LYPD6: variants seen among roughly 807,000 people sequenced by gnomAD.
LYPD6 encodes LY6/PLAUR domain containing 6, also known as ly6/PLAUR domain-containing protein 6.
A neutral mutation model predicts 22.7 loss-of-function variants in LYPD6; 15 were observed. The ratio of observed to expected loss-of-function variants is 0.66; its 90% confidence interval spans 0.44 to 1.02. LYPD6 has a LOEUF of 1.02. Ranked by LOEUF, LYPD6 falls within the 50% of genes least tolerant of loss-of-function variation. The pLI, the probability that LYPD6 is intolerant of heterozygous loss-of-function variation, is 0.00. For synonymous variants in LYPD6, 72 were observed against 77.5 expected (o/e 0.93, Z 0.37); for missense variants, 189 against 208.4 (o/e 0.91, Z 0.57).
intron 1 of LYPD6, among the ~76,000 whole-genome samples, chr2:149,382,511 C>A (rs1447545258): frequency 1.3e-5 from 2 of 152,150 alleles, no homozygotes; most frequent in African/African-American, 2.4e-5. Context: ...TTGCTCATTT[C>A]TTTCCACCTT....
At chr2:149,337,977 G>T (rs1681070298) in intron 1 of LYPD6, among the ~76,000 whole-genome samples, 1 of 150,970 alleles carries the variant, frequency 6.6e-6, no homozygotes, top group Admixed American at 6.6e-5. Context: ...TTTTATGGCT[G>T]CATAGTATTC....
rs79729387 is a variant in LYPD6, at chr2:149,425,950, A to G, written c.-71-11688A>G. On this transcript the variant is annotated intron_variant, in intron 1 of 4. Coordinates refer to ENST00000334166, the MANE Select transcript of LYPD6 (RefSeq NM_194317.5). ...CAGGATACATACTGTGTGTAGCTGAAGGTATTAATCACAGATTTGGAGGAT... is the reference window on the plus strand; with the variant it reads ...CAGGATACATACTGTGTGTAGCTGAGGGTATTAATCACAGATTTGGAGGAT... Among the ~76,000 whole-genome samples the G allele has an allele frequency of 1.8e-4, 28 of 152,342 alleles. No individual in the cohort carries two copies. In the East Asian group the frequency reaches 4.6e-3, roughly 25 times the overall value.
chr2:149,377,052 A>G (rs554650827), intron 1 of LYPD6, among the ~76,000 whole-genome samples: 13 of 152,328 alleles, frequency 8.5e-5, no homozygotes, highest in Non-Finnish European at 1.5e-4. Context: ...CCATCTCACT[A>G]TAGGGCTCCA....
At position 149,468,636 on chromosome 2, in the gene LYPD6, T is replaced by C; in HGVS notation, c.218-9T>C. Reference sequence around the variant, plus strand: ...TTTCCCATCTCAAATATATTTTCTCTGTTGACAGAGACCAGATACTGCTAC... The same window carrying C: ...TTTCCCATCTCAAATATATTTTCTCCGTTGACAGAGACCAGATACTGCTAC... On this transcript the variant is annotated splice_polypyrimidine_tract_variant and intron_variant, in intron 3 of 4. Transcript: ENST00000334166. 1 of 1,611,158 alleles carries C rather than the reference T, an allele frequency of 6.2e-7. No individual in the cohort carries two copies. Among genetic ancestry groups the C allele is most frequent in the Non-Finnish European group, 8.5e-7 (1 of 1,179,136 alleles).
In LYPD6 at chr2:149,450,145, A is replaced by G. The variant is rs142598184; in HGVS notation, c.217+998A>G. The stretch of plus-strand genomic sequence containing the variant: ...GTAGAAACACCTGTGGAATTTTTCA[A>G]AGAAATCACTGAAAGCCTTGCCCTG... On this transcript the variant is annotated intron_variant, in intron 3 of 4. Coordinates refer to ENST00000334166, the MANE Select transcript of LYPD6 (RefSeq NM_194317.5). Among the ~76,000 whole-genome samples the G allele has an allele frequency of 7.6e-3, 1,162 of 152,276 alleles. 13 individuals carry two copies. Among genetic ancestry groups the G allele is most frequent in the African/African-American group, 0.026 (1,082 of 41,546 alleles).
intron 1 of LYPD6, among the ~76,000 whole-genome samples, chr2:149,385,803 A>C (rs928447856): frequency 6.6e-6 from 1 of 152,188 alleles, no homozygotes; most frequent in East Asian, 1.9e-4. Context: ...AGAGGGAAAA[A>C]GAGAACAAGA....
Position 149,333,485 on chromosome 2 carries a change from A to G in LYPD6, c.-72+2763A>G, listed in dbSNP as rs185805162. On this transcript the variant is annotated intron_variant, in intron 1 of 4. Transcript: ENST00000334166. ...CTTTGGATTCAAGTCTTGTCTTCACATACACTAACTGTGGGACTTCAAAAA... is the reference window on the plus strand; with the variant it reads ...CTTTGGATTCAAGTCTTGTCTTCACGTACACTAACTGTGGGACTTCAAAAA... 1.6e-4 allele frequency among the ~76,000 whole-genome samples: 25 copies of G among 152,338 alleles called. No individual in the cohort carries two copies. In the East Asian group the frequency reaches 4.6e-3, roughly 28 times the overall value.
intron 1 of LYPD6, among the ~76,000 whole-genome samples, chr2:149,358,038 G>A (rs1457276775): frequency 2.6e-5 from 4 of 151,954 alleles, no homozygotes; most frequent in Non-Finnish European, 5.9e-5. Context: ...CGCCCGCTTC[G>A]GCCTCCCAGA....
At chr2:149,474,557 C>T (rs1681419089), downstream of LYPD6, among the ~76,000 whole-genome samples, 1 of 152,044 alleles carries the variant, frequency 6.6e-6, no homozygotes, top group Admixed American at 6.6e-5. Flanking sequence ...AAATCTTTTC[C>T]ACAAACTTAT....
intron 3 of LYPD6, among the ~76,000 whole-genome samples, chr2:149,462,141 A>G (rs965464988): frequency 6.6e-6 from 1 of 151,610 alleles, no homozygotes; most frequent in African/African-American, 2.4e-5. Context: ...TATGTAGAAA[A>G]TTCCAACAAA....
chr2:149,461,845 A>T (rs1178393783), intron 3 of LYPD6, among the ~76,000 whole-genome samples: 3 of 152,056 alleles, frequency 2.0e-5, no homozygotes, highest in Non-Finnish European at 2.9e-5. Context: ...GTCAAAATTA[A>T]ACACCATTTA....
At chr2:149,356,382 AAAG>A (rs1411107796) in intron 1 of LYPD6, among the ~76,000 whole-genome samples, 1 of 152,164 alleles carries the variant, frequency 6.6e-6, no homozygotes, top group Non-Finnish European at 1.5e-5. Context: ...TGTATTAGTA[AAAG>A]AAAAATCACT....
intron 2 of LYPD6, among the ~76,000 whole-genome samples, chr2:149,442,930 T>C (rs1413003676): frequency 6.6e-6 from 1 of 152,158 alleles, no homozygotes; most frequent in African/African-American, 2.4e-5. Flanking sequence ...TGCACAGATA[T>C]GGAGCTGTAG....
At chr2:149,480,180 T>C in the LYPD6 span, among the ~76,000 whole-genome samples, 1 of 152,120 alleles carries the variant, frequency 6.6e-6, no homozygotes, top group African/African-American at 2.4e-5. Context: ...TGGCTAACTT[T>C]TGTCTTTTTA....
At chr2:149,466,582 G>A (rs1242336581) in intron 3 of LYPD6, among the ~76,000 whole-genome samples, 1 of 152,142 alleles carries the variant, frequency 6.6e-6, no homozygotes. Flanking sequence ...TGCGTCTACT[G>A]TCATTCAATG....
chr2:149,404,734 C>T (rs541415256), intron 1 of LYPD6, among the ~76,000 whole-genome samples: 1 of 152,256 alleles, frequency 6.6e-6, no homozygotes, highest in Non-Finnish European at 1.5e-5. Context: ...TTTCCTTCTC[C>T]TGCCTAATTT....
intron 3 of LYPD6, among the ~76,000 whole-genome samples, chr2:149,466,258 T>G (rs900771136): frequency 2.0e-5 from 3 of 152,192 alleles, no homozygotes; most frequent in African/African-American, 7.2e-5. Context: ...CGAGTTTATT[T>G]GAGCATTTTC....
At chr2:149,417,099 A>T (rs1467248098) in intron 1 of LYPD6, among the ~76,000 whole-genome samples, 1 of 152,180 alleles carries the variant, frequency 6.6e-6, no homozygotes, top group Non-Finnish European at 1.5e-5. Context: ...AACCCAGCTC[A>T]TGATGGGTAG....
At chr2:149,440,672 A>T (rs1386805280) in intron 2 of LYPD6, among the ~76,000 whole-genome samples, 1 of 150,430 alleles carries the variant, frequency 6.6e-6, no homozygotes, top group Non-Finnish European at 1.5e-5. Flanking sequence ...ACTTGGCCAG[A>T]ACTTCGTTTA....
Sources: gnomAD v4.1 joint callset for allele counts (sites outside exome capture counted in the v4.1 genomes callset) on GRCh38, gnomAD v4.1.1 for gene constraint, MANE v1.5 for transcripts, NCBI Gene and HGNC (gene_info 2026-07-23, HGNC 2026-07-21) for gene names.